Variants in CALHM3 observed in about 807,000 individuals in gnomAD.
CALHM3 encodes the protein calcium homeostasis modulator 3.
A neutral mutation model predicts 13.6 loss-of-function variants in CALHM3; 9 were observed. The observed-to-expected ratio is 0.66, with a 90% confidence interval of 0.40 to 1.15. The LOEUF is 1.15. Ranked by LOEUF, CALHM3 falls within the 50% of genes most tolerant of loss-of-function variation. CALHM3 has a pLI of 0.01. For missense variants in CALHM3, 497 were observed against 463.4 expected, an observed-to-expected ratio of 1.07 and a Z score of -0.67; for synonymous variants, 231 against 213.2, an observed-to-expected ratio of 1.08 and a Z score of -0.73.
chr10:103,476,457 G>T lies in CALHM3; in HGVS notation c.380C>A (p.Ala127Asp). The change falls in exon 2 of 3, where the codon GCC becomes GAC. Residue 127 changes from alanine (A) to aspartate (D), a missense_variant. Coordinates refer to ENST00000369783, the MANE Select transcript of CALHM3 (RefSeq NM_001129742.2). ...ALLDGKCFVC[A>D]FSSSVDPEKF... ...CTCAGGGTCCACAGAGCTGCTGAAG[G>T]CACACACGAAGCACTTCCCGTCAAG... 6.4e-7 allele frequency: 1 copy of T among 1,551,720 alleles called. No individual in the cohort carries two copies. Among genetic ancestry groups the T allele is most frequent in the Non-Finnish European group, 8.7e-7 (1 of 1,147,004 alleles).
At chr10:103,473,758 C>T (rs2033357841) in intron 2 of CALHM3, 54 bp from the exon 3 acceptor site, 1 of 1,457,368 alleles carries the variant, frequency 6.9e-7, no homozygotes, top group South Asian at 1.4e-5. Flanking sequence ...ATCCTATATA[C>T]ATATGTATTT....
In CALHM3 at chr10:103,473,647, G is replaced by A; in HGVS notation, c.601C>T (p.Leu201=). ...LIIAAFLARC[L]RPCFDQTVFL... is the part of the protein sequence containing the mutation. ...ACTGTCTGGTCGAAGCAGGGCCTCA[G>A]GCAGCGGGCCAGGAAGGCCGCGATG... is the stretch of plus-strand genomic sequence containing the variant. The change falls in exon 3 of 3, where the codon CTG becomes TTG. Residue 201 remains leucine, a synonymous_variant. Transcript: ENST00000369783. 1 of 1,551,106 alleles carries A rather than the reference G, an allele frequency of 6.4e-7. No homozygotes were observed. The highest frequency in any genetic ancestry group is 2.4e-5 in the East Asian group (1 of 40,930).
intron 2 of CALHM3, among the ~76,000 whole-genome samples, chr10:103,475,973 C>A (rs978173924): frequency 3.3e-5 from 5 of 152,350 alleles, no homozygotes; most frequent in African/African-American, 1.2e-4. Flanking sequence ...ACTAAACTCT[C>A]AGAGCCTGCT....
rs186428270 is a variant in CALHM3, at chr10:103,473,168, G to C, written c.*45C>G. 2 of 1,301,124 alleles carry C rather than the reference G, an allele frequency of 1.5e-6. No homozygotes were observed. Among genetic ancestry groups the C allele is most frequent in the Non-Finnish European group, 2.0e-6 (2 of 1,019,736 alleles). The allele number at this position is 1,301,124 out of a possible 1,614,324, so 80.6% of individuals were successfully genotyped here. ...AAAGACTCCAGAACTTTGTCAGCGC[G>C]GCATTTCACCTGCGAACACTGCCGC... On this transcript the variant is annotated 3_prime_UTR_variant, in exon 3 of 3. Coordinates refer to ENST00000369783, the MANE Select transcript of CALHM3 (RefSeq NM_001129742.2).
intron 1 of CALHM3, 55 bp from the exon 2 acceptor site, chr10:103,476,604 G>A (rs1038007101): frequency 3.9e-6 from 6 of 1,541,818 alleles, no homozygotes; most frequent in Non-Finnish European, 4.4e-6. Flanking sequence ...AGCTGCAGCA[G>A]GGGAGGTGCA....
rs1389291485 is a variant in CALHM3 at position 103,473,435 on chromosome 10, G to A, written c.813C>T (p.Pro271=). The stretch of plus-strand genomic sequence containing the variant: ...GGCCTTCTGGGGGCTCAGGCACTGC[G>A]GGGAGCTCGAGTCTCCTGCCTGCAT... ...RGNAGRRLEL[P]AVPEPPEGLD... Residue 271 remains proline (P), a synonymous_variant, in exon 3 of 3, where the codon CCC becomes CCT. Coordinates refer to ENST00000369783, the MANE Select transcript of CALHM3 (RefSeq NM_001129742.2). 6.5e-7 allele frequency: 1 copy of A among 1,530,166 alleles called. No homozygotes were observed. The highest frequency in any genetic ancestry group is 1.4e-5 in the African/African-American group (1 of 72,910). The allele number at this position is 1,530,166 out of a possible 1,614,324, so 94.8% of individuals were successfully genotyped here. A position where few individuals can be genotyped will look rare whatever the true frequency, so the allele number is the denominator to read the frequency against.
chr10:103,475,206 A>G (rs780140815), intron 2 of CALHM3, among the ~76,000 whole-genome samples: 33 of 152,212 alleles, frequency 2.2e-4, no homozygotes, highest in Non-Finnish European at 4.0e-4. Context: ...CAGGGAAGTC[A>G]CGTCTCTAAA....
chr10:103,476,445 G>A lies in CALHM3; in HGVS notation c.392C>T (p.Ser131Phe). The change falls in exon 2 of 3, where the codon TCT (serine) becomes TTT (phenylalanine). Residue 131 changes from serine (S) to phenylalanine (F), a missense_variant. By Grantham distance (155) the Ser-to-Phe change is radical. Transcript: ENST00000369783. ...GKCFVCAFSS[S>F]VDPEKFLDFA... is the part of the protein sequence containing the mutation. Reference sequence around the variant, plus strand: ...GTCCAGAAACTTCTCAGGGTCCACAGAGCTGCTGAAGGCACACACGAAGCA... The same window carrying A: ...GTCCAGAAACTTCTCAGGGTCCACAAAGCTGCTGAAGGCACACACGAAGCA... 1 of 1,551,726 alleles carries A rather than the reference G, an allele frequency of 6.4e-7. No homozygotes were observed. The highest frequency in any genetic ancestry group is 1.2e-5 in the South Asian group (1 of 84,064).
Position 103,476,366 on chromosome 10 carries a change from G to T in CALHM3, c.471C>A (p.Cys157Ter). ...TATCCCTGACCAGCTCATCCTCCTT[G>T]CAGGGAACCTTGGCCAGGAAGAGCT... ...QVQLFLAKVP[C>*]KEDELVRDSP... Residue 157 changes from cysteine (C) to a stop codon, truncating the protein, a stop_gained, in exon 2 of 3, where the codon TGC becomes TGA. Coordinates refer to ENST00000369783, the MANE Select transcript of CALHM3 (RefSeq NM_001129742.2). LOFTEE classifies it high-confidence loss of function. 1.9e-6 allele frequency: 3 copies of T among 1,551,738 alleles called. No homozygotes were observed. The highest frequency in any genetic ancestry group is 2.6e-6 in the Non-Finnish European group (3 of 1,147,010).
Position 103,472,964 on chromosome 10 carries a change from C to G in CALHM3, c.*249G>C, listed in dbSNP as rs2033338628. 1 of 395,954 alleles carries G rather than the reference C, an allele frequency of 2.5e-6. No individual in the cohort carries two copies. Among genetic ancestry groups the G allele is most frequent in the Admixed American group, 4.5e-5 (1 of 22,272 alleles). 24.5% of individuals were successfully genotyped at this position (395,954 alleles called of 1,614,324 possible). ...CTTGTTTAAAATGCAGAATCTCAGA[C>G]TCGGTCCTGGCTACACTGTCTGAAC... On this transcript the variant is annotated 3_prime_UTR_variant, in exon 3 of 3. Coordinates refer to ENST00000369783, the MANE Select transcript of CALHM3 (RefSeq NM_001129742.2).
At chr10:103,476,784 C>T (rs938736228) in intron 1 of CALHM3, among the ~76,000 whole-genome samples, 5 of 152,230 alleles carry the variant, frequency 3.3e-5, no homozygotes, top group Non-Finnish European at 7.4e-5. Context: ...ACAGCAGACA[C>T]TGCTGGTGCC....
chr10:103,473,415 T>C lies in CALHM3; in HGVS notation c.833A>G (p.Glu278Gly), dbSNP rs199875922. Residue 278 changes from glutamate to glycine, a missense_variant, in exon 3 of 3, where the codon GAA becomes GGA. Physicochemically the swap from Glu to Gly is moderately conservative, Grantham distance 98 (BLOSUM62 -2). Coordinates refer to ENST00000369783, the MANE Select transcript of CALHM3 (RefSeq NM_001129742.2). ...CTTCCCACTTCCACTATCCAGGCCT[T>C]CTGGGGGCTCAGGCACTGCGGGGAG... ...LELPAVPEPP[E>G]GLDSGSGKAH... 6.7e-7 allele frequency: 1 copy of C among 1,491,248 alleles called. No individual in the cohort carries two copies. The highest frequency in any genetic ancestry group is 1.9e-5 in the African/African-American group (1 of 51,720). 92.4% of individuals were successfully genotyped at this position (1,491,248 alleles called of 1,614,324 possible).
intron 2 of CALHM3, among the ~76,000 whole-genome samples, chr10:103,474,441 T>C (rs1489795320): frequency 8.4e-6 from 1 of 119,330 alleles, no homozygotes; most frequent in East Asian, 2.6e-4. Context: ...TCATCCATCC[T>C]CTCATCTTTT....
At chr10:103,475,112 C>G (rs575696334) in intron 2 of CALHM3, among the ~76,000 whole-genome samples, 1 of 152,288 alleles carries the variant, frequency 6.6e-6, no homozygotes, top group East Asian at 1.9e-4. Context: ...ACCTGGCAGA[C>G]TCCTCTCCCT....
Position 103,478,767 on chromosome 10 carries a change from C to T in CALHM3, c.266G>A (p.Arg89Lys), listed in dbSNP as rs1446842520. 8.4e-6 allele frequency: 13 copies of T among 1,540,310 alleles called. No individual in the cohort carries two copies. Among genetic ancestry groups the T allele is most frequent in the Admixed American group, 5.9e-5 (3 of 50,594 alleles). Residue 89 changes from arginine to lysine, a missense_variant, in exon 1 of 3, where the codon AGG becomes AAG. Physicochemically the swap from Arg to Lys is conservative, Grantham distance 26. Coordinates refer to ENST00000369783, the MANE Select transcript of CALHM3 (RefSeq NM_001129742.2). ...EEWRRPAGHR[R>K]KDPGIIRYMC... ...GCACCTGATGATGCCTGGGTCCTTC[C>T]TCCGGTGCCCTGCGGGCCGGCGCCA...
At position 103,473,284 on chromosome 10, in the gene CALHM3, CG is replaced by C. The variant is rs1391811499; in HGVS notation, c.963del (p.Cys321TrpfsTer42). The stretch of plus-strand genomic sequence containing the variant: ...GGGGCGCGGTGGCTAAGGCCACCCC[CG>C]CAGAGCCCGGGGGATGCAGCCAGGT... ...PLDLAASPGL[C>X]GGGLSHRAPT... On this transcript the variant is annotated frameshift_variant, in exon 3 of 3. Coordinates refer to ENST00000369783, the MANE Select transcript of CALHM3 (RefSeq NM_001129742.2). LOFTEE classifies it low-confidence loss of function (END_TRUNC). 1.2e-5 allele frequency: 17 copies of C among 1,466,908 alleles called. 1 individual carries two copies. The highest frequency in any genetic ancestry group is 1.8e-4 in the Middle Eastern group (1 of 5,600). The allele number at this position is 1,466,908 out of a possible 1,614,324, so 90.9% of individuals were successfully genotyped here.
intron 1 of CALHM3, among the ~76,000 whole-genome samples, chr10:103,477,955 GA>G (rs1487681398): frequency 6.6e-6 from 1 of 151,966 alleles, no homozygotes; most frequent in African/African-American, 2.4e-5. Flanking sequence ...GTGGGTCATA[GA>G]AACCAGAACT....
Position 103,476,531 on chromosome 10 carries a change from C to T in CALHM3, c.306G>A (p.Val102=), listed in dbSNP as rs2133832469. ...PGIIRYMCSS[V]LQRALAAPLV... ...GGGGGGCGGCCAGCGCCCTCTGCAG[C>T]ACAGAGGAGCACATGTACCTGGCAG... The change falls in exon 2 of 3, where the codon GTG becomes GTA. Residue 102 remains valine, a synonymous_variant. Transcript: ENST00000369783. 3 of 1,551,518 alleles carry T rather than the reference C, an allele frequency of 1.9e-6. No individual in the cohort carries two copies. Among genetic ancestry groups the T allele is most frequent in the Admixed American group, 2.0e-5 (1 of 51,004 alleles).
Position 103,473,378 on chromosome 10 carries a change from G to T in CALHM3, c.870C>A (p.Arg290=), listed in dbSNP as rs1001562961. 104 of 1,495,710 alleles carry T rather than the reference G, an allele frequency of 7.0e-5. No homozygotes were observed. The Middle Eastern group carries it at 2.1e-3, about 30-fold the overall frequency. 92.7% of individuals were successfully genotyped at this position (1,495,710 alleles called of 1,614,324 possible). A position where few individuals can be genotyped will look rare whatever the true frequency, so the allele number is the denominator to read the frequency against. Reference sequence around the variant, plus strand: ...CCACCTGCTCCCGGCTGGAGATTGCGCGCAGGTGGGCCTTCCCACTTCCAC... The same window carrying T: ...CCACCTGCTCCCGGCTGGAGATTGCTCGCAGGTGGGCCTTCCCACTTCCAC... ...LDSGSGKAHL[R]AISSREQVDR... Residue 290 remains arginine, a synonymous_variant, in exon 3 of 3, where the codon CGC becomes CGA. Transcript: ENST00000369783.
Sources: gnomAD v4.1 joint callset for allele counts (sites outside exome capture counted in the v4.1 genomes callset) on GRCh38, gnomAD v4.1.1 for gene constraint, MANE v1.5 for transcripts, NCBI Gene and HGNC (gene_info 2026-07-23, HGNC 2026-07-21) for gene names.